MAST2: variants seen among roughly 807,000 people sequenced by gnomAD.
MAST2 encodes the protein microtubule associated serine/threonine kinase 2, also known as microtubule-associated serine/threonine-protein kinase 2.
MAST2 carries 70 observed loss-of-function variants against 147.4 expected under a neutral mutation model. That is an observed-to-expected ratio of 0.47 (90% CI 0.39 to 0.58). The LOEUF (loss-of-function observed/expected upper bound fraction) is 0.58, where lower values mean the gene tolerates loss of function less well. Ranked by LOEUF, MAST2 falls within the 20% of genes least tolerant of loss-of-function variation. The pLI, the probability that MAST2 is intolerant of heterozygous loss-of-function variation, is 0.00. For missense variants in MAST2, 2,080 were observed against 2,302.3 expected (o/e 0.90, Z 1.98); for synonymous variants, 869 against 896.8 (o/e 0.97, Z 0.55).
chr1:46,025,365 T>C (rs1027229909), intron 15 of MAST2, among the ~76,000 whole-genome samples: 4 of 152,170 alleles, frequency 2.6e-5, no homozygotes, highest in Non-Finnish European at 5.9e-5. Context: ...ATGAGACTTA[T>C]TCACTATCAC....
intron 5 of MAST2, among the ~76,000 whole-genome samples, chr1:45,968,775 C>T (rs943656504): frequency 6.6e-6 from 1 of 151,454 alleles, no homozygotes; most frequent in East Asian, 1.9e-4. Context: ...ATTATTGCTT[C>T]AAATAATTCC....
intron 7 of MAST2, among the ~76,000 whole-genome samples, chr1:46,005,525 A>G (rs1645451404): frequency 6.6e-6 from 1 of 152,102 alleles, no homozygotes; most frequent in South Asian, 2.1e-4. Context: ...CGCCTGTAGA[A>G]GTCCTGTGAT....
intron 3 of MAST2, among the ~76,000 whole-genome samples, chr1:45,863,085 G>C (rs955317058): frequency 2.6e-5 from 4 of 151,856 alleles, no homozygotes; most frequent in African/African-American, 4.8e-5. Flanking sequence ...TCAGTGGTTG[G>C]CAAAATAAAT....
At chr1:45,986,577 G>C (rs1644627386) in intron 5 of MAST2, among the ~76,000 whole-genome samples, 1 of 152,006 alleles carries the variant, frequency 6.6e-6, no homozygotes, top group African/African-American at 2.4e-5. Flanking sequence ...AATTATCCAG[G>C]TGTGGTGGCG....
At chr1:45,867,081 A>T (rs1646186661) in intron 3 of MAST2, among the ~76,000 whole-genome samples, 2 of 152,176 alleles carry the variant, frequency 1.3e-5, no homozygotes, top group Admixed American at 1.3e-4. Context: ...ATAAACTTTA[A>T]GGTTCATTCT....
intron 3 of MAST2, among the ~76,000 whole-genome samples, chr1:45,842,820 A>G (rs1645318544): frequency 6.6e-6 from 1 of 152,210 alleles, no homozygotes; most frequent in South Asian, 2.1e-4. Context: ...TGGAATCACA[A>G]AGAAATACGG....
intron 1 of MAST2, among the ~76,000 whole-genome samples, chr1:45,811,167 T>TATTTC (rs1491394799): frequency 1.3e-5 from 1 of 79,126 alleles, no homozygotes; most frequent in Admixed American, 1.3e-4. Flanking sequence ...AGTATATTTC[T>TATTTC]TTTTTTTTTT....
intron 3 of MAST2, among the ~76,000 whole-genome samples, chr1:45,870,181 C>T (rs1465741602): frequency 6.6e-6 from 1 of 152,180 alleles, no homozygotes; most frequent in East Asian, 1.9e-4. Flanking sequence ...ACCTTGGCCT[C>T]CCAAAGTGCT....
chr1:45,860,540 T>C (rs773323225), intron 3 of MAST2, among the ~76,000 whole-genome samples: 2 of 152,070 alleles, frequency 1.3e-5, no homozygotes, highest in African/African-American at 2.4e-5. Context: ...GTATACATCT[T>C]ACTACTCTTG....
At chr1:45,998,250 T>C (rs1645135523) in intron 6 of MAST2, among the ~76,000 whole-genome samples, 1 of 152,164 alleles carries the variant, frequency 6.6e-6, no homozygotes, top group Non-Finnish European at 1.5e-5. Context: ...TTTGTGCCTC[T>C]CTCCTTGACT....
intron 6 of MAST2, among the ~76,000 whole-genome samples, chr1:46,002,322 A>G (rs1041332351): frequency 9.2e-5 from 14 of 152,102 alleles, no homozygotes; most frequent in Admixed American, 8.5e-4. Context: ...ACTGTTTCCC[A>G]TTGATTAGCT....
chr1:45,865,086 T>G (rs1425728575), intron 3 of MAST2: 4 of 456,110 alleles, frequency 8.8e-6, no homozygotes, highest in Admixed American at 4.7e-5. Context: ...GGCTTTTTTT[T>G]GTCTGATATC....
intron 3 of MAST2, 27 bp from the exon 4 acceptor site, chr1:45,882,337 C>T (rs577180278): frequency 6.3e-7 from 1 of 1,597,564 alleles, no homozygotes; most frequent in Admixed American, 1.7e-5. Flanking sequence ...GTTCTTATTT[C>T]TAACTTGCAT....
rs774083453 is a variant in MAST2 at position 46,029,486 on chromosome 1, G to A, written c.2239G>A (p.Gly747Ser). ...TTCAGATGAGATTGTGTGGCCTGAG[G>A]GTGATGAGGCACTGCCCCCAGACGC... is the stretch of plus-strand genomic sequence containing the variant. ...VISDEIVWPEGDEALPPDAQD... is the reference protein window; with the variant it reads ...VISDEIVWPESDEALPPDAQD... Residue 747 changes from glycine (G) to serine (S), a missense_variant, in exon 19 of 29, where the codon GGT (glycine) becomes AGT (serine). Physicochemically the swap from Gly to Ser is moderately conservative, Grantham distance 56. Coordinates refer to ENST00000361297, the MANE Select transcript of MAST2 (RefSeq NM_015112.3). 16 of 1,614,006 alleles carry A rather than the reference G, an allele frequency of 9.9e-6. No individual in the cohort carries two copies. Among genetic ancestry groups the A allele is most frequent in the Non-Finnish European group, 1.2e-5 (14 of 1,179,950 alleles).
chr1:46,033,321 CCCAGCTACT>C (rs1361951101), intron 26 of MAST2, among the ~76,000 whole-genome samples: 1 of 151,596 alleles, frequency 6.6e-6, no homozygotes, highest in African/African-American at 2.4e-5. Flanking sequence ...TGCCTGTAAT[CCCAGCTACT>C]TGGGAGGCTG....
intron 4 of MAST2, among the ~76,000 whole-genome samples, chr1:45,950,071 G>A (rs1427027916): frequency 6.6e-6 from 1 of 152,148 alleles, no homozygotes; most frequent in Non-Finnish European, 1.5e-5. Flanking sequence ...CTACTTGGGG[G>A]TGGAGAGAGA....
rs938116785 is a variant in MAST2, at chr1:45,898,866, A to T, written c.500+16471A>T. Reference sequence around the variant, plus strand: ...TGAGTTGGCCACCTCAAGGGAGCACATGGGATGTCTACTTATCCATCCCTG... The same window carrying T: ...TGAGTTGGCCACCTCAAGGGAGCACTTGGGATGTCTACTTATCCATCCCTG... On this transcript the variant is annotated intron_variant, in intron 4 of 28. Coordinates refer to ENST00000361297, the MANE Select transcript of MAST2 (RefSeq NM_015112.3). 2.6e-5 allele frequency among the ~76,000 whole-genome samples: 4 copies of T among 152,202 alleles called. No homozygotes were observed. In the East Asian group the frequency reaches 7.7e-4, roughly 29 times the overall value.
intron 3 of MAST2, among the ~76,000 whole-genome samples, chr1:45,842,546 T>C (rs946459323): frequency 3.9e-5 from 6 of 152,250 alleles, no homozygotes; most frequent in African/African-American, 1.4e-4. Context: ...ATAAATAATA[T>C]TATACATATG....
chr1:45,865,553 C>G (rs1209517621), intron 3 of MAST2, among the ~76,000 whole-genome samples: 1 of 152,070 alleles, frequency 6.6e-6, no homozygotes. Flanking sequence ...AAGAACTTTT[C>G]TAAATTATCA....
Sources: gnomAD v4.1 joint callset for allele counts (sites outside exome capture counted in the v4.1 genomes callset) on GRCh38, gnomAD v4.1.1 for gene constraint, MANE v1.5 for transcripts, NCBI Gene and HGNC (gene_info 2026-07-23, HGNC 2026-07-21) for gene names.